Variants in CFAP20DC observed in about 807,000 individuals in gnomAD.
The protein encoded by CFAP20DC is CFAP20 domain containing, also known as protein CFAP20DC.
In CFAP20DC, 84 loss-of-function variants were observed where a neutral mutation model predicts 101.7. The ratio of observed to expected loss-of-function variants is 0.83; its 90% CI spans 0.69 to 0.99. The LOEUF is 0.99. Among genes scored for constraint, CFAP20DC ranks in the 50% least tolerant of loss-of-function variants. The pLI is 0.00. For synonymous variants in CFAP20DC, 359 were observed against 351.2 expected (o/e 1.02, Z -0.25); for missense variants, 1,007 against 970.3 (o/e 1.04, Z -0.50).
intron 4 of CFAP20DC, among the ~76,000 whole-genome samples, chr3:59,036,709 G>A (rs940569632): frequency 3.3e-5 from 5 of 152,148 alleles, no homozygotes; most frequent in African/African-American, 1.2e-4. Flanking sequence ...TGTGAAAATG[G>A]CCTTACTGCC....
chr3:59,000,961 T>C (rs1249799443), intron 4 of CFAP20DC, among the ~76,000 whole-genome samples: 1 of 151,404 alleles, frequency 6.6e-6, no homozygotes, highest in Non-Finnish European at 1.5e-5. Context: ...AAAAGAAAAC[T>C]TGATAGGGGG....
rs1040870421 is a variant in CFAP20DC, at chr3:58,721,946, G to A, written c.198-4318C>T. Among the ~76,000 whole-genome samples the A allele has an allele frequency of 1.3e-5, 2 of 152,222 alleles. No individual in the cohort carries two copies. The highest frequency in any genetic ancestry group is 4.8e-5 in the African/African-American group (2 of 41,450). On this transcript the variant is annotated intron_variant, in intron 3 of 3. Transcript: ENST00000486145. This position sits in a 1 kb window ranked among gnomAD's most constrained non-coding sequence, Gnocchi z 5.2. ...CCTGGCCACAGCTCCCTTGAGCCTG[G>A]GCTGGCCTGAACTGTAACCAAGAGG...
chr3:58,936,468 T>G (rs992905246), intron 5 of CFAP20DC, among the ~76,000 whole-genome samples: 1 of 152,162 alleles, frequency 6.6e-6, no homozygotes, highest in Non-Finnish European at 1.5e-5. Context: ...TAAAGACACA[T>G]GCACACGTAT....
chr3:58,938,533 A>G (rs1297123970), intron 4 of CFAP20DC, among the ~76,000 whole-genome samples: 1 of 152,098 alleles, frequency 6.6e-6, no homozygotes, highest in Admixed American at 6.6e-5. Flanking sequence ...TTTGAGAATG[A>G]TTTTTCCCCG....
In CFAP20DC at chr3:59,047,319, C is replaced by A; in HGVS notation, c.22-65G>T. On this transcript the variant is annotated intron_variant, in intron 1 of 16. Transcript: ENST00000482387. ...GAGGAAGTATTATCCACCACATAGT[C>A]TATAACCAGTGTTCCCGGCATCTGT... 3 of 1,070,924 alleles carry A rather than the reference C, an allele frequency of 2.8e-6. No individual in the cohort carries two copies. In the South Asian group the frequency reaches 4.3e-5, roughly 15 times the overall value. 66.3% of individuals were successfully genotyped at this position (1,070,924 alleles called of 1,614,324 possible).
chr3:58,870,308 A>C lies in CFAP20DC; in HGVS notation c.717T>G (p.Asp239Glu). Residue 239 changes from aspartate to glutamate, a missense_variant and splice_region_variant, in exon 8 of 17, where the codon GAT becomes GAG. Coordinates refer to ENST00000482387, the MANE Select transcript of CFAP20DC (RefSeq NM_001394063.1). ...TACTTGTTCCTCTGTTAATGAACTG[A>C]TCTGTTTTGTTAAAGGAAGGTAATA... ...GGHPLRSAES[D>E]QFINRGTSIT... The C allele has an allele frequency of 6.2e-7, 1 of 1,613,288 alleles. No homozygotes were observed. The highest frequency in any genetic ancestry group is 8.5e-7 in the Non-Finnish European group (1 of 1,179,370).
chr3:58,957,701 A>C (rs2090767812), intron 4 of CFAP20DC, among the ~76,000 whole-genome samples: 1 of 152,192 alleles, frequency 6.6e-6, no homozygotes, highest in Admixed American at 6.5e-5. Context: ...GTCATTTCCA[A>C]CAATATATGG....
chr3:58,860,184 A>T (rs1448442124), intron 12 of CFAP20DC, among the ~76,000 whole-genome samples: 1 of 151,408 alleles, frequency 6.6e-6, no homozygotes, highest in East Asian at 1.9e-4. Flanking sequence ...TCAAAAAAAA[A>T]AAAAAAAAAA....
In CFAP20DC at chr3:58,772,423, C is replaced by T. The variant is rs1282198314; in HGVS notation, c.2238-18560G>A. 2.6e-5 allele frequency among the ~76,000 whole-genome samples: 4 copies of T among 152,042 alleles called. No individual in the cohort carries two copies. The East Asian group carries it at 5.8e-4, about 22-fold the overall frequency. On this transcript the variant is annotated intron_variant, in intron 15 of 16. Coordinates refer to ENST00000482387, the MANE Select transcript of CFAP20DC (RefSeq NM_001394063.1). ...TTAAAATAATGATATACTATTGATA[C>T]ATAGTAGCTTGGCAAAAGTTCTAAC...
Position 58,913,999 on chromosome 3 carries a change from G to T in CFAP20DC, c.394-135C>A. The T allele has an allele frequency of 1.2e-6, 1 of 866,628 alleles. No homozygotes were observed. Among genetic ancestry groups the T allele is most frequent in the Non-Finnish European group, 1.8e-6 (1 of 570,866 alleles). 53.7% of individuals were successfully genotyped at this position (866,628 alleles called of 1,614,324 possible). On this transcript the variant is annotated intron_variant, in intron 5 of 16. Transcript: ENST00000482387. The surrounding 1 kb of genome is among the most constrained non-coding windows in gnomAD (Gnocchi z 4.4). ...AGCCCCAAACTAATTTTCCTCTTTAGGTAAACTTATCTCTGTTTTGGCTTA... is the reference window on the plus strand; with the variant it reads ...AGCCCCAAACTAATTTTCCTCTTTATGTAAACTTATCTCTGTTTTGGCTTA...
intron 4 of CFAP20DC, among the ~76,000 whole-genome samples, chr3:58,996,167 A>G (rs943106444): frequency 6.6e-6 from 1 of 152,220 alleles, no homozygotes; most frequent in Non-Finnish European, 1.5e-5. Flanking sequence ...TGGGTTTTCC[A>G]GTAAACAACA....
At chr3:58,965,409 G>T (rs1336867471) in intron 4 of CFAP20DC, among the ~76,000 whole-genome samples, 1 of 152,140 alleles carries the variant, frequency 6.6e-6, no homozygotes, top group African/African-American at 2.4e-5. Context: ...AAACCTCCTT[G>T]TAATTATGGC....
intron 4 of CFAP20DC, among the ~76,000 whole-genome samples, chr3:59,037,884 C>T (rs942727057): frequency 7.2e-5 from 11 of 152,068 alleles, no homozygotes; most frequent in African/African-American, 1.9e-4. Flanking sequence ...TCCAAATGCC[C>T]GTCAATGATA....
intron 13 of CFAP20DC, among the ~76,000 whole-genome samples, chr3:58,841,639 A>G (rs1420704017): frequency 6.6e-6 from 1 of 152,268 alleles, no homozygotes; most frequent in African/African-American, 2.4e-5. Flanking sequence ...TATATTCAAA[A>G]GTGTCTTTCC....
intron 5 of CFAP20DC, among the ~76,000 whole-genome samples, chr3:58,935,833 T>G (rs1399679626): frequency 6.6e-6 from 1 of 152,136 alleles, no homozygotes; most frequent in African/African-American, 2.4e-5. Context: ...GAAGAAAACC[T>G]AGGCATTACC....
At chr3:58,889,288 T>A (rs1576153060) in intron 6 of CFAP20DC, among the ~76,000 whole-genome samples, 1 of 152,134 alleles carries the variant, frequency 6.6e-6, no homozygotes, top group Admixed American at 6.6e-5. Context: ...CAAGTATGAT[T>A]TGCCTCCGTT....
Position 58,721,290 on chromosome 3 carries a change from C to T in CFAP20DC, c.198-3662G>A, listed in dbSNP as rs947729928. Reference sequence around the variant, plus strand: ...TATCTGGGCCAGGGATTGTGTACTTCTGGGTGCATGTGTTGGGGCAGGGGT... The same window carrying T: ...TATCTGGGCCAGGGATTGTGTACTTTTGGGTGCATGTGTTGGGGCAGGGGT... On this transcript the variant is annotated intron_variant, in intron 3 of 3. Coordinates refer to the CFAP20DC transcript ENST00000486145. This position sits in a 1 kb window ranked among gnomAD's most constrained non-coding sequence, Gnocchi z 5.2. Among the ~76,000 whole-genome samples, 2 of 152,116 alleles carry T rather than the reference C, an allele frequency of 1.3e-5. No individual in the cohort carries two copies. The highest frequency in any genetic ancestry group is 2.9e-5 in the Non-Finnish European group (2 of 68,020).
chr3:58,984,421 C>T (rs1207398653), intron 4 of CFAP20DC, among the ~76,000 whole-genome samples: 2 of 152,184 alleles, frequency 1.3e-5, no homozygotes, highest in African/African-American at 4.8e-5. Flanking sequence ...CACCAAACCA[C>T]ATGGTGACAC....
chr3:59,022,808 G>C (rs189086489), intron 4 of CFAP20DC, among the ~76,000 whole-genome samples: 13 of 152,202 alleles, frequency 8.5e-5, no homozygotes, highest in Admixed American at 8.5e-4. Flanking sequence ...TCCTTGGGGA[G>C]TTCTATTATA....
Sources: gnomAD v4.1 joint callset for allele counts (sites outside exome capture counted in the v4.1 genomes callset) on GRCh38, gnomAD v4.1.1 for gene constraint, Gnocchi (gnomAD v3.1) non-coding constraint, MANE v1.5 for transcripts, NCBI Gene and HGNC (gene_info 2026-07-23, HGNC 2026-07-21) for gene names.